The following ARHGEF17 variants were observed in gnomAD, a reference collection of about 807,000 sequenced individuals.
The protein encoded by ARHGEF17 is Rho guanine nucleotide exchange factor 17, also known as 164 kDa Rho-specific guanine-nucleotide exchange factor.
In ARHGEF17, 80 loss-of-function variants were observed where a neutral mutation model predicts 174.0. That is an observed-to-expected ratio of 0.46 (90% CI 0.38 to 0.55). The LOEUF (loss-of-function observed/expected upper bound fraction) is 0.55, where lower values mean the gene tolerates loss of function less well. ARHGEF17 is among the 20% of genes least tolerant of loss of function. The pLI, the probability that ARHGEF17 is intolerant of heterozygous loss-of-function variation, is 0.00. For synonymous variants in ARHGEF17, 1,311 were observed against 1,189.1 expected, an observed-to-expected ratio of 1.10 and a Z score of -2.11; for missense variants, 2,886 against 2,839.7, an observed-to-expected ratio of 1.02 and a Z score of -0.37.
chr11:73,355,378 C>A (rs1253141871), intron 3 of ARHGEF17, among the ~76,000 whole-genome samples, 155 bp from the exon 4 acceptor site: 5 of 152,230 alleles, frequency 3.3e-5, no homozygotes, highest in African/African-American at 9.7e-5. Context: ...CACGACCACA[C>A]TTAGAGCCAC....
In ARHGEF17 at chr11:73,365,411, G is replaced by A. The variant is rs747820028; in HGVS notation, c.5572G>A (p.Asp1858Asn). 6.2e-7 allele frequency: 1 copy of A among 1,613,990 alleles called. No individual in the cohort carries two copies. The highest frequency in any genetic ancestry group is 8.5e-7 in the Non-Finnish European group (1 of 1,180,028). Residue 1858 changes from aspartate (D) to asparagine (N), a missense_variant, in exon 19 of 21, where the codon GAT becomes AAT. By Grantham distance (23) the Asp-to-Asn change is conservative. Coordinates refer to ENST00000263674, the MANE Select transcript of ARHGEF17 (RefSeq NM_014786.4). The surrounding 1 kb of genome is among the most constrained non-coding windows in gnomAD (Gnocchi z 4.9). ...CCAGCACATGTTTTACGTGGGTCAG[G>A]ATTCAAGCCGCTGCGTGGCTTGCAT... ...QLEHMFYVGQ[D>N]SSRCVACMVD...
At chr11:73,344,462 C>T (rs1865428390) in intron 1 of ARHGEF17, among the ~76,000 whole-genome samples, 1 of 152,232 alleles carries the variant, frequency 6.6e-6, no homozygotes, top group Admixed American at 6.5e-5. Flanking sequence ...AGGCACAGCG[C>T]CAGCCCTGCC....
Position 73,309,878 on chromosome 11 carries a change from GGCGTGTACCGCTCCCCTA to G in ARHGEF17, c.1243_1260del (p.Val415_Ser420del). ...GTCTAGTAGGGGTTCTGGGGGCTGG[GGCGTGTACCGCTCCCCTA>G]GCTTTGGAGCTGGGGAAGGGCTCCT... On this transcript the variant is annotated inframe_deletion, in exon 1 of 21. Coordinates refer to ENST00000263674, the MANE Select transcript of ARHGEF17 (RefSeq NM_014786.4). 6.2e-7 allele frequency: 1 copy of G among 1,613,118 alleles called. No homozygotes were observed. The highest frequency in any genetic ancestry group is 8.5e-7 in the Non-Finnish European group (1 of 1,179,890).
chr11:73,349,138 G>C (rs1018799316), intron 2 of ARHGEF17, among the ~76,000 whole-genome samples: 6 of 152,184 alleles, frequency 3.9e-5, no homozygotes, highest in African/African-American at 1.4e-4. Flanking sequence ...GAGTAGACAT[G>C]GCAGGGGCCT....
chr11:73,327,780 G>A (rs1591730832), intron 1 of ARHGEF17, among the ~76,000 whole-genome samples: 1 of 152,132 alleles, frequency 6.6e-6, no homozygotes, highest in Non-Finnish European at 1.5e-5. Context: ...TGAGACTCTC[G>A]GGGGACAAGT....
At chr11:73,345,434 C>A (rs1306335544) in intron 1 of ARHGEF17, among the ~76,000 whole-genome samples, 1 of 152,076 alleles carries the variant, frequency 6.6e-6, no homozygotes, top group Non-Finnish European at 1.5e-5. Context: ...CATTATAGGA[C>A]ACTGTGGGGA....
chr11:73,360,997 G>T, intron 11 of ARHGEF17, 91 bp from the exon 12 acceptor site: 1 of 1,075,468 alleles, frequency 9.3e-7, no homozygotes. Flanking sequence ...CTGAGGGGCA[G>T]GGGAGGAAGG....
chr11:73,345,602 C>G (rs948528837), intron 1 of ARHGEF17, among the ~76,000 whole-genome samples: 1 of 152,178 alleles, frequency 6.6e-6, no homozygotes, highest in African/African-American at 2.4e-5. Context: ...GACAGCCCCA[C>G]TGGTTGAGTT....
chr11:73,354,396 A>G (rs1166378149), intron 3 of ARHGEF17, among the ~76,000 whole-genome samples: 1 of 152,154 alleles, frequency 6.6e-6, no homozygotes, highest in African/African-American at 2.4e-5. Flanking sequence ...TTCTGTCCAG[A>G]GGCAGGGGCA....
At chr11:73,332,245 GC>G (rs1338917848) in intron 1 of ARHGEF17, among the ~76,000 whole-genome samples, 1 of 152,148 alleles carries the variant, frequency 6.6e-6, no homozygotes, top group Non-Finnish European at 1.5e-5. Context: ...AGGTCGGGAA[GC>G]CATCAGTGGA....
intron 5 of ARHGEF17, 42 bp from the exon 6 acceptor site, chr11:73,356,133 G>A (rs775281403): frequency 3.1e-6 from 5 of 1,608,148 alleles, no homozygotes; most frequent in Non-Finnish European, 4.3e-6. Flanking sequence ...GGGGCCCCAG[G>A]GGTAGCTAAG....
Position 73,363,301 on chromosome 11 carries a change from G to T in ARHGEF17, c.5092G>T (p.Gly1698Trp). The change falls in exon 15 of 21, where the codon GGG becomes TGG. Residue 1698 changes from glycine to tryptophan, a missense_variant. This residue lies in a region of ARHGEF17 where 476 missense variants were observed against 473.1 expected (regional missense o/e 1.01). Coordinates refer to ENST00000263674, the MANE Select transcript of ARHGEF17 (RefSeq NM_014786.4). ...CTTCCTGCCACTGTCTGGCTCCTTT[G>T]GGCCTGGTGGTCCCTGCGGCACCAG... The part of the protein sequence containing the change: ...PGFLPLSGSF[G>W]PGGPCGTSPM... The T allele has an allele frequency of 6.2e-7, 1 of 1,612,612 alleles. No individual in the cohort carries two copies. Among genetic ancestry groups the T allele is most frequent in the Middle Eastern group, 1.7e-4 (1 of 6,046 alleles).
In ARHGEF17 at chr11:73,362,811, C is replaced by T. The variant is rs1865770075; in HGVS notation, c.4996+77C>T. The T allele has an allele frequency of 1.0e-5, 15 of 1,506,222 alleles. 1 individual carries two copies. The highest frequency in any genetic ancestry group is 1.8e-4 in the Middle Eastern group (1 of 5,596). 93.3% of individuals were successfully genotyped at this position (1,506,222 alleles called of 1,614,324 possible). On this transcript the variant is annotated intron_variant, in intron 14 of 20. Coordinates refer to ENST00000263674, the MANE Select transcript of ARHGEF17 (RefSeq NM_014786.4). ...CCCAGAGGAGGGGGAGAGGAGGGAC[C>T]AGTGTAGGGCAAAGGCATGGCGTCA...
At chr11:73,367,523 C>T (rs1195767657) in intron 20 of ARHGEF17, 61 bp from the exon 21 acceptor site, 6 of 1,446,676 alleles carry the variant, frequency 4.1e-6, no homozygotes, top group African/African-American at 1.4e-5. Context: ...ATTCAGGCCC[C>T]GATGGGACAG....
intron 1 of ARHGEF17, among the ~76,000 whole-genome samples, chr11:73,312,904 G>A (rs1317906009): frequency 6.6e-6 from 1 of 152,198 alleles, no homozygotes; most frequent in African/African-American, 2.4e-5. Context: ...AGTTTAGGCT[G>A]TGGATTCAGA....
At position 73,364,398 on chromosome 11, in the gene ARHGEF17, G is replaced by A. The variant is rs1299872139; in HGVS notation, c.5402-54G>A. Reference sequence around the variant, plus strand: ...TTAACATCTCATTTCAGGGGAGACCGAGGCTCAAATTTAGAACTGGAGTGA... The same window carrying A: ...TTAACATCTCATTTCAGGGGAGACCAAGGCTCAAATTTAGAACTGGAGTGA... On this transcript the variant is annotated intron_variant, in intron 17 of 20. Coordinates refer to ENST00000263674, the MANE Select transcript of ARHGEF17 (RefSeq NM_014786.4). 6.8e-6 allele frequency: 11 copies of A among 1,611,476 alleles called. No individual in the cohort carries two copies. The East Asian group carries it at 1.3e-4, about 20-fold the overall frequency.
rs561890234 is a variant in ARHGEF17 at position 73,327,081 on chromosome 11, C to CCA, written c.3192+15253_3192+15254dup. On this transcript the variant is annotated intron_variant, in intron 1 of 20. Transcript: ENST00000263674. ...GACGCAGCCAGGATGATGGAGCATA[C>CCA]CACCCATCCTTGGTGCTCCTATGAG... Among the ~76,000 whole-genome samples, 23 of 152,338 alleles carry CCA rather than the reference C, an allele frequency of 1.5e-4. No individual in the cohort carries two copies. The East Asian group carries it at 3.7e-3, about 24-fold the overall frequency.
chr11:73,347,306 G>T, intron 2 of ARHGEF17: 1 of 398,064 alleles, frequency 2.5e-6, no homozygotes, highest in Non-Finnish European at 4.7e-6. Flanking sequence ...AGTATGAGTT[G>T]AATAGAGTTC....
Position 73,352,826 on chromosome 11 carries a change from T to C in ARHGEF17, c.3271-4T>C. The stretch of plus-strand genomic sequence containing the variant: ...AGTGTGCACCGACCCTGTGGGTCCT[T>C]CAGGGCTACATGCAGCCGCTGAAGC... On this transcript the variant is annotated splice_region_variant and splice_polypyrimidine_tract_variant and intron_variant, in intron 2 of 20. Coordinates refer to ENST00000263674, the MANE Select transcript of ARHGEF17 (RefSeq NM_014786.4). 1 of 1,613,802 alleles carries C rather than the reference T, an allele frequency of 6.2e-7. No individual in the cohort carries two copies. Among genetic ancestry groups the C allele is most frequent in the South Asian group, 1.1e-5 (1 of 91,080 alleles).
Sources: gnomAD v4.1 joint callset for allele counts (sites outside exome capture counted in the v4.1 genomes callset) on GRCh38, gnomAD v4.1.1 for gene constraint, gnomAD v4.1.1 regional missense constraint, Gnocchi (gnomAD v3.1) non-coding constraint, MANE v1.5 for transcripts, NCBI Gene and HGNC (gene_info 2026-07-23, HGNC 2026-07-21) for gene names.